Variants in BTBD10 observed in about 807,000 individuals in gnomAD.
The protein encoded by BTBD10 is BTB domain containing 10.
A neutral mutation model predicts 53.2 loss-of-function variants in BTBD10; 21 were observed. The observed-to-expected ratio is 0.39, with a 90% confidence interval of 0.28 to 0.57. The LOEUF is 0.57. BTBD10 is among the 20% of genes least tolerant of loss of function. BTBD10 has a pLI of 0.53. For missense variants in BTBD10, 360 were observed against 594.7 expected (o/e 0.61, Z 4.10); for synonymous variants, 149 against 192.7 (o/e 0.77, Z 1.88).
intron 5 of BTBD10, among the ~76,000 whole-genome samples, chr11:13,415,643 T>C (rs1054605841): frequency 2.6e-5 from 4 of 152,080 alleles, no homozygotes; most frequent in African/African-American, 4.8e-5. Flanking sequence ...GACCACTATA[T>C]TTAATCACAC....
At chr11:13,411,541 C>T (rs541964919) in intron 6 of BTBD10, among the ~76,000 whole-genome samples, 2 of 152,038 alleles carry the variant, frequency 1.3e-5, no homozygotes, top group East Asian at 3.9e-4. Flanking sequence ...ACAAATATTA[C>T]TGAAAAGCTA....
intron 8 of BTBD10, among the ~76,000 whole-genome samples, chr11:13,389,747 C>T (rs1380034078): frequency 6.6e-6 from 1 of 152,214 alleles, no homozygotes; most frequent in African/African-American, 2.4e-5. Flanking sequence ...CTTATATTCT[C>T]GTCACAGGAT....
intron 2 of BTBD10, among the ~76,000 whole-genome samples, chr11:13,440,563 C>G (rs577126043): frequency 1.3e-5 from 2 of 152,282 alleles, no homozygotes; most frequent in South Asian, 4.1e-4. Context: ...TAAGAATCCA[C>G]TCAAGAACTA....
At chr11:13,441,019 T>C (rs1311842261) in intron 2 of BTBD10, among the ~76,000 whole-genome samples, 3 of 152,318 alleles carry the variant, frequency 2.0e-5, no homozygotes, top group African/African-American at 7.2e-5. Context: ...TATATGGATA[T>C]CATACAAGTA....
intron 1 of BTBD10, among the ~76,000 whole-genome samples, chr11:13,456,842 A>C (rs1950978339): frequency 6.6e-6 from 1 of 152,222 alleles, no homozygotes; most frequent in African/African-American, 2.4e-5. Context: ...AGCAGTCTCA[A>C]TACTGGCATA....
At chr11:13,400,569 G>A (rs887719194) in intron 8 of BTBD10, among the ~76,000 whole-genome samples, 4 of 152,114 alleles carry the variant, frequency 2.6e-5, no homozygotes, top group African/African-American at 7.2e-5. Flanking sequence ...CCCACTGTCC[G>A]GCACTCCCCA....
intron 1 of BTBD10, 34 bp downstream of exon 1, chr11:13,463,058 G>A (rs1390893333): frequency 1.3e-5 from 2 of 153,038 alleles, no homozygotes; most frequent in East Asian, 1.9e-4. Flanking sequence ...CTCCCGCGCC[G>A]CCCCCGCCGA....
At chr11:13,421,892 C>T (rs772669899) in intron 2 of BTBD10, 54 bp from the exon 3 acceptor site, 32 of 1,412,654 alleles carry the variant, frequency 2.3e-5, no homozygotes, top group Non-Finnish European at 2.9e-5. Flanking sequence ...AGATTGGAAA[C>T]ATTTTAAAAG....
intron 2 of BTBD10, among the ~76,000 whole-genome samples, chr11:13,444,237 T>TC (rs961111579): frequency 6.6e-6 from 1 of 152,074 alleles, no homozygotes; most frequent in Admixed American, 6.6e-5. Flanking sequence ...CTTTTTTTTT[T>TC]CAAGAAAGCT....
At chr11:13,401,082 A>G (rs565286666) in intron 8 of BTBD10, among the ~76,000 whole-genome samples, 2 of 151,440 alleles carry the variant, frequency 1.3e-5, no homozygotes, top group Non-Finnish European at 2.9e-5. Flanking sequence ...ATATTTTTAG[A>G]GCTGCATATT....
chr11:13,397,464 C>T (rs1034618863), intron 8 of BTBD10, among the ~76,000 whole-genome samples: 17 of 152,080 alleles, frequency 1.1e-4, no homozygotes, highest in African/African-American at 4.1e-4. Context: ...AGCAGTCTAT[C>T]AATTTTGTTG....
Position 13,405,872 on chromosome 11 carries a change from C to T in BTBD10, c.809-16G>A, listed in dbSNP as rs961379323. 6.2e-7 allele frequency: 1 copy of T among 1,608,018 alleles called. No individual in the cohort carries two copies. The highest frequency in any genetic ancestry group is 8.5e-7 in the Non-Finnish European group (1 of 1,176,834). On this transcript the variant is annotated splice_polypyrimidine_tract_variant and intron_variant, in intron 6 of 8. Transcript: ENST00000278174. ...ATTAGGGCACCTGAAATGAAATCCA[C>T]AAAAATATCTTACCAAAACTTTTCC...
chr11:13,424,088 A>G (rs1399246462), intron 2 of BTBD10, among the ~76,000 whole-genome samples: 2 of 152,216 alleles, frequency 1.3e-5, no homozygotes, highest in East Asian at 3.8e-4. Context: ...AGGAATCCAC[A>G]TTAAATAGAA....
chr11:13,419,110 C>G (rs904479341), intron 4 of BTBD10, among the ~76,000 whole-genome samples: 5 of 151,664 alleles, frequency 3.3e-5, no homozygotes, highest in Non-Finnish European at 7.4e-5. Context: ...AATGGGAACC[C>G]AAGTGCAGGA....
intron 2 of BTBD10, among the ~76,000 whole-genome samples, chr11:13,434,337 T>C (rs1394945722): frequency 2.0e-5 from 3 of 152,152 alleles, no homozygotes; most frequent in Admixed American, 6.5e-5. Flanking sequence ...CCGCTTTGAA[T>C]GGTCAAAGTA....
At chr11:13,450,640 C>A (rs375341152) in intron 1 of BTBD10, among the ~76,000 whole-genome samples, 1 of 152,122 alleles carries the variant, frequency 6.6e-6, no homozygotes, top group African/African-American at 2.4e-5. Flanking sequence ...ACTGAACAGT[C>A]ATTTTTAGCA....
At chr11:13,444,902 A>G in intron 2 of BTBD10, 122 bp downstream of exon 2, 1 of 580,186 alleles carries the variant, frequency 1.7e-6, no homozygotes, top group Non-Finnish European at 3.0e-6. Flanking sequence ...ATAAACATTC[A>G]CAACGTTTTG....
chr11:13,427,089 T>C (rs1253289568), intron 2 of BTBD10, among the ~76,000 whole-genome samples: 1 of 152,106 alleles, frequency 6.6e-6, no homozygotes, highest in African/African-American at 2.4e-5. Context: ...TGGTGGCACA[T>C]GCCTGTGGTC....
intron 8 of BTBD10, among the ~76,000 whole-genome samples, chr11:13,396,537 TCTC>T (rs1014794424): frequency 3.9e-5 from 6 of 152,156 alleles, no homozygotes; most frequent in African/African-American, 1.4e-4. Context: ...TTTATTTCCT[TCTC>T]CTGCTTAACT....
Sources: gnomAD v4.1 joint callset for allele counts (sites outside exome capture counted in the v4.1 genomes callset) on GRCh38, gnomAD v4.1.1 for gene constraint, MANE v1.5 for transcripts, NCBI Gene and HGNC (gene_info 2026-07-23, HGNC 2026-07-21) for gene names.